Variants in DOCK4 observed in about 807,000 individuals in gnomAD.
DOCK4 encodes dedicator of cytokinesis 4.
Under a neutral mutation model 268.1 loss-of-function variants are expected in DOCK4, and 97 were observed. The observed-to-expected ratio is 0.36, with a 90% CI of 0.31 to 0.43. The LOEUF (loss-of-function observed/expected upper bound fraction) is 0.43. DOCK4 is among the 20% of genes least tolerant of loss of function. DOCK4 has a pLI of 1.00. For synonymous variants in DOCK4, 954 were observed against 887.2 expected (o/e 1.08, Z -1.34); for missense variants, 2,145 against 2,455.7 (o/e 0.87, Z 2.67).
chr7:111,798,270 C>T (rs897007948), intron 30 of DOCK4, among the ~76,000 whole-genome samples: 2 of 152,252 alleles, frequency 1.3e-5, no homozygotes, highest in African/African-American at 2.4e-5. Flanking sequence ...TCCAGCAGGA[C>T]TGATGGGTCC....
intron 1 of DOCK4, among the ~76,000 whole-genome samples, chr7:112,137,268 C>T (rs1814448565): frequency 1.3e-5 from 2 of 152,266 alleles, no homozygotes; most frequent in South Asian, 4.1e-4. Context: ...TTGAATAAAT[C>T]CCTCTACATC....
chr7:111,853,550 GACA>G (rs900623038), intron 23 of DOCK4, among the ~76,000 whole-genome samples: 5 of 152,184 alleles, frequency 3.3e-5, no homozygotes, highest in African/African-American at 7.2e-5. Flanking sequence ...CTGGAATACA[GACA>G]ACAAGAACTC....
At chr7:111,825,527 T>TA (rs1802327820) in intron 26 of DOCK4, among the ~76,000 whole-genome samples, 1 of 152,210 alleles carries the variant, frequency 6.6e-6, no homozygotes, top group Non-Finnish European at 1.5e-5. Flanking sequence ...ATTCTTTTTA[T>TA]AATTTGAAAA....
chr7:112,169,904 C>G (rs10487346), intron 1 of DOCK4, among the ~76,000 whole-genome samples: 15,294 of 152,224 alleles, frequency 0.1, 951 homozygotes, highest in South Asian at 0.14. Flanking sequence ...ATAGTCATCT[C>G]AACAGTTGTG....
intron 1 of DOCK4, among the ~76,000 whole-genome samples, chr7:112,120,058 AG>A (rs1197860203): frequency 6.6e-6 from 1 of 152,144 alleles, no homozygotes; most frequent in Admixed American, 6.5e-5. Flanking sequence ...CATGTTAGCC[AG>A]GATGGTCTCG....
intron 42 of DOCK4, among the ~76,000 whole-genome samples, chr7:111,752,919 A>C (rs1417272476): frequency 7.0e-6 from 1 of 142,170 alleles, no homozygotes; most frequent in African/African-American, 2.6e-5. Context: ...GGACAAAAAC[A>C]CTTTTTTTGG....
chr7:111,837,335 TAA>T (rs1803314364), intron 25 of DOCK4, among the ~76,000 whole-genome samples: 1 of 151,852 alleles, frequency 6.6e-6, no homozygotes, highest in Non-Finnish European at 1.5e-5. Context: ...AAAGACAAAA[TAA>T]AGACTTTTCA....
intron 39 of DOCK4, among the ~76,000 whole-genome samples, chr7:111,762,762 C>CTTTTTTTTTTTTTTTATTTTTTTTTTT (rs1797510109): frequency 1.6e-5 from 1 of 63,068 alleles, no homozygotes; most frequent in Non-Finnish European, 3.0e-5. Context: ...GTTTTGTTTT[C>CTTTTTTTTTTTTTTTATTTTTTTTTTT]TTTTTTTTTT....
chr7:111,997,180 A>C (rs761784460), intron 4 of DOCK4, among the ~76,000 whole-genome samples: 13 of 152,220 alleles, frequency 8.5e-5, no homozygotes, highest in African/African-American at 1.2e-4. Context: ...GGGAGGCTGA[A>C]TGGTATCACA....
intron 1 of DOCK4, among the ~76,000 whole-genome samples, chr7:112,086,493 A>G (rs527810405): frequency 6.6e-6 from 1 of 152,288 alleles, no homozygotes; most frequent in Non-Finnish European, 1.5e-5. Context: ...TTAACTCAAT[A>G]AATACTTATT....
intron 5 of DOCK4, among the ~76,000 whole-genome samples, chr7:111,993,316 C>G (rs1799680966): frequency 6.6e-6 from 1 of 152,192 alleles, no homozygotes; most frequent in African/African-American, 2.4e-5. Flanking sequence ...AATGATTAAG[C>G]TGTTCTACAA....
At position 111,788,496 on chromosome 7, in the gene DOCK4, C is replaced by T. The variant is rs114568335; in HGVS notation, c.3401+166G>A. The T allele has an allele frequency of 1.1e-3, 684 of 612,606 alleles. 4 individuals carry two copies. The African/African-American group carries it at 0.012, about 10-fold the overall frequency. The allele number at this position is 612,606 out of a possible 1,614,324, so 37.9% of individuals were successfully genotyped here. A position where few individuals can be genotyped will look rare whatever the true frequency, so the allele number is the denominator to read the frequency against. On this transcript the variant is annotated intron_variant, in intron 32 of 52. Coordinates refer to ENST00000428084, the MANE Select transcript of DOCK4 (RefSeq NM_001363540.2). The stretch of plus-strand genomic sequence containing the variant: ...AATCATCAACATTATAAGATCCATT[C>T]GCCAGAGTTAGGCAATTATCCTTTA...
At chr7:112,090,138 T>C (rs551977659) in intron 1 of DOCK4, among the ~76,000 whole-genome samples, 2 of 152,282 alleles carry the variant, frequency 1.3e-5, no homozygotes, top group African/African-American at 4.8e-5. Context: ...AAAGATAGCA[T>C]GAATCAATCA....
chr7:112,051,151 C>G (rs919319916), intron 1 of DOCK4, among the ~76,000 whole-genome samples: 1 of 152,012 alleles, frequency 6.6e-6, no homozygotes, highest in Non-Finnish European at 1.5e-5. Flanking sequence ...CTAAAAAATA[C>G]TGTGTTACTT....
chr7:111,780,863 A>C (rs1798747927), intron 35 of DOCK4, among the ~76,000 whole-genome samples: 1 of 152,218 alleles, frequency 6.6e-6, no homozygotes. Flanking sequence ...TGCTTCTTTA[A>C]TAAGTATTCT....
At chr7:112,047,921 C>T (rs939414727) in intron 1 of DOCK4, among the ~76,000 whole-genome samples, 13 of 152,150 alleles carry the variant, frequency 8.5e-5, no homozygotes, top group African/African-American at 2.9e-4. Flanking sequence ...TAACGCCTGG[C>T]CTCAAGGGAT....
intron 1 of DOCK4, among the ~76,000 whole-genome samples, chr7:112,042,287 A>G (rs1432325275): frequency 6.6e-6 from 1 of 152,238 alleles, no homozygotes; most frequent in Non-Finnish European, 1.5e-5. Flanking sequence ...ATTGTAGTCC[A>G]GAGGAATCAG....
chr7:112,103,947 T>C (rs1810916738), intron 1 of DOCK4, among the ~76,000 whole-genome samples: 3 of 152,138 alleles, frequency 2.0e-5, no homozygotes, highest in Admixed American at 2.0e-4. Flanking sequence ...CCTCAATAAT[T>C]TTTCCCTTTC....
chr7:111,868,239 T>C, intron 21 of DOCK4, 85 bp from the exon 22 acceptor site: 1 of 1,080,112 alleles, frequency 9.3e-7, no homozygotes, highest in Non-Finnish European at 1.3e-6. Flanking sequence ...AACCATGGTA[T>C]GGCATTAAAC....
Sources: gnomAD v4.1 joint callset for allele counts (sites outside exome capture counted in the v4.1 genomes callset) on GRCh38, gnomAD v4.1.1 for gene constraint, MANE v1.5 for transcripts, NCBI Gene and HGNC (gene_info 2026-07-23, HGNC 2026-07-21) for gene names.